SRRM3: variants seen among roughly 807,000 people sequenced by gnomAD.
SRRM3 encodes serine/arginine repetitive matrix protein 3.
SRRM3 carries 27 observed loss-of-function variants against 66.2 expected under a neutral mutation model. The ratio of observed to expected loss-of-function variants is 0.41; its 90% CI spans 0.30 to 0.56. The LOEUF is 0.56. Ranked by LOEUF, SRRM3 falls within the 20% of genes least tolerant of loss-of-function variation. The pLI, the probability that SRRM3 is intolerant of heterozygous loss-of-function variation, is 0.32. For synonymous variants in SRRM3, 391 were observed against 414.9 expected, an observed-to-expected ratio of 0.94 and a Z score of 0.70; for missense variants, 918 against 991.9, an observed-to-expected ratio of 0.93 and a Z score of 1.00.
At chr7:76,213,771 G>A (rs1258300933) in intron 1 of SRRM3, among the ~76,000 whole-genome samples, 2 of 151,820 alleles carry the variant, frequency 1.3e-5, no homozygotes, top group Non-Finnish European at 2.9e-5. Context: ...TGGTTTTTTT[G>A]TTTGTTTGTT....
At chr7:76,250,362 G>A (rs905074798) in intron 3 of SRRM3, among the ~76,000 whole-genome samples, 1 of 152,038 alleles carries the variant, frequency 6.6e-6, no homozygotes, top group African/African-American at 2.4e-5. Context: ...CTCCTGAGTA[G>A]CTGGGATTGC....
chr7:76,230,952 T>C (rs1007283358), intron 1 of SRRM3, among the ~76,000 whole-genome samples: 3 of 152,044 alleles, frequency 2.0e-5, no homozygotes, highest in African/African-American at 7.2e-5. Flanking sequence ...GGTTTCACCA[T>C]GTTGCCCAGG....
chr7:76,218,001 A>G (rs1456847473), intron 1 of SRRM3, among the ~76,000 whole-genome samples: 1 of 152,212 alleles, frequency 6.6e-6, no homozygotes, highest in Non-Finnish European at 1.5e-5. Context: ...GCCAGTATCC[A>G]GGCCCCTGAC....
At chr7:76,257,751 G>C (rs189958432) in intron 3 of SRRM3, among the ~76,000 whole-genome samples, 50 of 151,836 alleles carry the variant, frequency 3.3e-4, no homozygotes, top group Non-Finnish European at 1.3e-4. Context: ...CCAGCCTCGC[G>C]ACAGGGTGAG....
intron 11 of SRRM3, among the ~76,000 whole-genome samples, chr7:76,276,503 GA>G (rs2117100967): frequency 6.6e-6 from 1 of 152,292 alleles, no homozygotes; most frequent in Admixed American, 6.5e-5. Flanking sequence ...ATGCAGCCTG[GA>G]AAAGGCGCCC....
At chr7:76,260,235 G>A (rs1394819497) in intron 5 of SRRM3, 38 bp downstream of exon 5, 2 of 1,482,418 alleles carry the variant, frequency 1.3e-6, no homozygotes, top group African/African-American at 1.5e-5. Flanking sequence ...AAGGGAGGAG[G>A]AGGTGGGGTC....
intron 2 of SRRM3, among the ~76,000 whole-genome samples, chr7:76,242,558 C>T (rs1801334723): frequency 6.6e-6 from 1 of 151,922 alleles, no homozygotes; most frequent in Admixed American, 6.6e-5. Context: ...GATTCAAGCA[C>T]ATTGCATTTA....
chr7:76,280,295 G>A (rs1802459403), intron 11 of SRRM3, among the ~76,000 whole-genome samples: 1 of 152,172 alleles, frequency 6.6e-6, no homozygotes, highest in East Asian at 1.9e-4. Flanking sequence ...GACATTTGTG[G>A]ATTTTGTTTT....
rs1554605579 is a variant in SRRM3 at position 76,241,123 on chromosome 7, C to G, written c.233+5824C>G. 2.0e-5 allele frequency among the ~76,000 whole-genome samples: 3 copies of G among 152,316 alleles called. No homozygotes were observed. The East Asian group carries it at 5.8e-4, about 29-fold the overall frequency. On this transcript the variant is annotated intron_variant, in intron 2 of 14. Coordinates refer to ENST00000611745, the MANE Select transcript of SRRM3 (RefSeq NM_001110199.3). ...TGTTGGCCAGGCTGGTCTCAAACTC[C>G]TGACCTCAAGTGATCTGCCCGCCTC...
In SRRM3 at chr7:76,282,743, C is replaced by T; in HGVS notation, c.1466C>T (p.Ser489Leu). The T allele has an allele frequency of 2.1e-6, 3 of 1,459,512 alleles. No homozygotes were observed. The allele number at this position is 1,459,512 out of a possible 1,614,324, so 90.4% of individuals were successfully genotyped here. A position where few individuals can be genotyped will look rare whatever the true frequency, so the allele number is the denominator to read the frequency against. ...GGCGGCCCAGAAGGGAAGAGCTCGTCGCGCAGCCCCGGCCCGCACCCCCGC... is the reference window on the plus strand; with the variant it reads ...GGCGGCCCAGAAGGGAAGAGCTCGTTGCGCAGCCCCGGCCCGCACCCCCGC... The part of the protein sequence containing the change: ...RRGGPEGKSS[S>L]RSPGPHPRSW... Residue 489 changes from serine to leucine, a missense_variant, in exon 13 of 15, where the codon TCG becomes TTG. By Grantham distance (145) the Ser-to-Leu change is moderately radical. Coordinates refer to ENST00000611745, the MANE Select transcript of SRRM3 (RefSeq NM_001110199.3).
Position 76,259,945 on chromosome 7 carries a change from G to A in SRRM3, c.375G>A (p.Pro125=), listed in dbSNP as rs1583918530. The change falls in exon 4 of 15, where the codon CCG becomes CCA. Residue 125 remains proline, a synonymous_variant. Transcript: ENST00000611745. ...ETPRLTEGAE[P]GLEYAPFDDD... ...CGCGGCTGACCGAGGGCGCTGAGCCGGGCCTGGAGTACGCGCCCTTTGACG... is the reference window on the plus strand; with the variant it reads ...CGCGGCTGACCGAGGGCGCTGAGCCAGGCCTGGAGTACGCGCCCTTTGACG... 1 of 1,602,010 alleles carries A rather than the reference G, an allele frequency of 6.2e-7. No homozygotes were observed. Among genetic ancestry groups the A allele is most frequent in the South Asian group, 1.1e-5 (1 of 90,978 alleles).
At chr7:76,236,734 C>A (rs1211331353) in intron 2 of SRRM3, among the ~76,000 whole-genome samples, 5 of 152,206 alleles carry the variant, frequency 3.3e-5, no homozygotes, top group African/African-American at 1.2e-4. Context: ...CTGATGCTCA[C>A]CTCACCCAGA....
intron 8 of SRRM3, 37 bp downstream of exon 8, chr7:76,261,618 C>A: frequency 6.3e-7 from 1 of 1,599,236 alleles, no homozygotes; most frequent in South Asian, 1.1e-5. Flanking sequence ...GTCAGTGGTC[C>A]CTTAAGGACC....
At chr7:76,283,680 G>T in intron 14 of SRRM3, 1 of 739,008 alleles carries the variant, frequency 1.4e-6, no homozygotes, top group Admixed American at 2.4e-5. Context: ...TTTGGAGGAG[G>T]GGGCACAGCA....
At position 76,286,106 on chromosome 7, in the gene SRRM3, C is replaced by G. The variant is rs879991919; in HGVS notation, c.*263C>G. On this transcript the variant is annotated 3_prime_UTR_variant, in exon 15 of 15. Transcript: ENST00000611745. ...GTGCCCGGGGAACAAAGAGCCGTTA[C>G]GAACACAGGAATCTCCCCATCCCCC... 9 of 555,692 alleles carry G rather than the reference C, an allele frequency of 1.6e-5. No individual in the cohort carries two copies. The highest frequency in any genetic ancestry group is 1.3e-4 in the African/African-American group (7 of 52,692). The allele number at this position is 555,692 out of a possible 1,614,324, so 34.4% of individuals were successfully genotyped here. A position where few individuals can be genotyped will look rare whatever the true frequency, so the allele number is the denominator to read the frequency against.
rs2117056005 is a variant in SRRM3 at position 76,260,013 on chromosome 7, A to C, written c.443A>C (p.Tyr148Ser). Residue 148 changes from tyrosine (Y) to serine (S), a missense_variant, in exon 4 of 15, where the codon TAC becomes TCC. By Grantham distance (144) the Tyr-to-Ser change is moderately radical. Coordinates refer to ENST00000611745, the MANE Select transcript of SRRM3 (RefSeq NM_001110199.3). ...PVDCDCPASC[Y>S]RGHRGYRTKH... ...GACTGTGACTGCCCGGCCTCCTGCT[A>C]CCGCGGCCACCGCGGGTACAGGTCA... 1 of 1,568,878 alleles carries C rather than the reference A, an allele frequency of 6.4e-7. No individual in the cohort carries two copies. The highest frequency in any genetic ancestry group is 8.6e-7 in the Non-Finnish European group (1 of 1,162,912).
intron 10 of SRRM3, among the ~76,000 whole-genome samples, chr7:76,265,849 T>TG (rs1802005529): frequency 9.4e-5 from 1 of 10,660 alleles, no homozygotes; most frequent in Non-Finnish European, 1.3e-4. Context: ...TATATATATA[T>TG]ATATATATAT....
In SRRM3 at chr7:76,281,403, T is replaced by G; in HGVS notation, c.1009-38T>G. On this transcript the variant is annotated intron_variant, in intron 11 of 14. Transcript: ENST00000611745. The stretch of plus-strand genomic sequence containing the variant: ...TGTCTCTGTCTCTCTCGTCTCCCTC[T>G]CCCCCCTCCGTGCCCTGTCTGCCTC... The G allele has an allele frequency of 9.3e-6, 11 of 1,183,754 alleles. No individual in the cohort carries two copies. The East Asian group carries it at 1.4e-4, about 15-fold the overall frequency. The allele number at this position is 1,183,754 out of a possible 1,614,324, so 73.3% of individuals were successfully genotyped here. A position where few individuals can be genotyped will look rare whatever the true frequency, so the allele number is the denominator to read the frequency against.
chr7:76,228,901 C>CT (rs71082398), intron 1 of SRRM3, among the ~76,000 whole-genome samples: 69,626 of 140,098 alleles, frequency 0.5, 19,625 homozygotes, highest in Non-Finnish European at 0.65. Flanking sequence ...TCCCCAGAGA[C>CT]TTTTTTTTTT....
Sources: allele counts gnomAD v4.1 joint callset (sites outside exome capture counted in the v4.1 genomes callset), GRCh38; gene constraint gnomAD v4.1.1; transcripts MANE v1.5; gene names NCBI Gene and HGNC (gene_info 2026-07-23, HGNC 2026-07-21).